Variants in CD6 observed in about 807,000 individuals in gnomAD.
CD6 encodes the protein CD6 molecule.
CD6 carries 53 observed loss-of-function variants against 75.3 expected under a neutral mutation model. That is an observed-to-expected ratio of 0.70 (90% CI 0.56 to 0.88). CD6 has a LOEUF of 0.88. Among genes scored for constraint, CD6 ranks in the 40% least tolerant of loss-of-function variants. CD6 has a pLI of 0.00. For synonymous variants in CD6, 359 were observed against 381.5 expected (o/e 0.94, Z 0.69); for missense variants, 770 against 897.1 (o/e 0.86, Z 1.81).
intron 1 of CD6, among the ~76,000 whole-genome samples, chr11:60,996,477 G>A (rs1159486530): frequency 1.3e-5 from 2 of 152,234 alleles, no homozygotes; most frequent in Admixed American, 1.3e-4. Flanking sequence ...GCAGGTGAGT[G>A]TTTCCGGACA....
chr11:60,979,837 T>C (rs556301060), intron 1 of CD6, among the ~76,000 whole-genome samples: 1 of 152,286 alleles, frequency 6.6e-6, no homozygotes, highest in African/African-American at 2.4e-5. Flanking sequence ...GGCACTGCCA[T>C]AGGACATGAA....
intron 1 of CD6, among the ~76,000 whole-genome samples, chr11:60,996,115 C>A (rs983169892): frequency 6.6e-6 from 1 of 152,164 alleles, no homozygotes; most frequent in South Asian, 2.1e-4. Flanking sequence ...ATTTTCTAGC[C>A]GTGTAATCTT....
In CD6 at chr11:61,019,716, C is replaced by CA. The variant is rs1188744570; in HGVS notation, c.*399dup. On this transcript the variant is annotated 3_prime_UTR_variant, in exon 13 of 13. Coordinates refer to ENST00000313421, the MANE Select transcript of CD6 (RefSeq NM_006725.5). ...TTGATTGCCTGAGTTTCTGACACTTCAGGGCCCAGAGGTCCTGCGAGGGGC... is the reference window on the plus strand; with the variant it reads ...TTGATTGCCTGAGTTTCTGACACTTCAAGGGCCCAGAGGTCCTGCGAGGGGC... The CA allele has an allele frequency of 5.4e-6, 1 of 185,934 alleles. No individual in the cohort carries two copies. The highest frequency in any genetic ancestry group is 2.3e-5 in the African/African-American group (1 of 42,866). The allele number at this position is 185,934 out of a possible 1,614,324, so 11.5% of individuals were successfully genotyped here.
intron 1 of CD6, among the ~76,000 whole-genome samples, chr11:60,994,000 A>G (rs1365156031): frequency 2.6e-5 from 4 of 152,136 alleles, no homozygotes; most frequent in Non-Finnish European, 4.4e-5. Context: ...TAAGTTTTTT[A>G]CAGAGGCGAG....
chr11:61,011,759 T>G (rs1234390606), intron 6 of CD6, among the ~76,000 whole-genome samples: 1 of 152,212 alleles, frequency 6.6e-6, no homozygotes, highest in Non-Finnish European at 1.5e-5. Flanking sequence ...GTAGCTTGGC[T>G]GGCATCAGAG....
At chr11:60,977,978 C>T (rs1394743980) in intron 1 of CD6, among the ~76,000 whole-genome samples, 1 of 152,132 alleles carries the variant, frequency 6.6e-6, no homozygotes, top group African/African-American at 2.4e-5. Context: ...TGCTGCTTTC[C>T]CTTTCCTCAA....
intron 8 of CD6, 42 bp from the exon 9 acceptor site, chr11:61,015,671 G>A (rs370849228): frequency 1.3e-4 from 210 of 1,610,920 alleles, no homozygotes; most frequent in Non-Finnish European, 1.7e-4. Flanking sequence ...ACACCTTTCC[G>A]CCCACCACTT....
intron 1 of CD6, among the ~76,000 whole-genome samples, chr11:61,000,790 G>A (rs912454262): frequency 2.6e-5 from 4 of 152,142 alleles, no homozygotes; most frequent in African/African-American, 7.2e-5. Flanking sequence ...AGGCTCTTTC[G>A]TGCCTTCATT....
intron 1 of CD6, among the ~76,000 whole-genome samples, chr11:60,976,467 G>A (rs191233862): frequency 1.6e-4 from 24 of 152,230 alleles, no homozygotes; most frequent in African/African-American, 5.5e-4. Flanking sequence ...TGCAACTCAC[G>A]GAGCTTGACC....
Position 61,015,709 on chromosome 11 carries a change from C to G in CD6, c.1388-4C>G. 1 of 1,614,210 alleles carries G rather than the reference C, an allele frequency of 6.2e-7. No homozygotes were observed. The highest frequency in any genetic ancestry group is 1.3e-5 in the African/African-American group (1 of 75,066). On this transcript the variant is annotated splice_polypyrimidine_tract_variant and splice_region_variant and intron_variant, in intron 8 of 12. Transcript: ENST00000313421. ...CCATGCCCTCGACTCTGTTCTCTCC[C>G]CAGTTTTCATGCTGCCCATCCAGGT...
At chr11:61,004,254 C>T (rs1464392810) in intron 1 of CD6, among the ~76,000 whole-genome samples, 1 of 152,114 alleles carries the variant, frequency 6.6e-6, no homozygotes, top group Non-Finnish European at 1.5e-5. Flanking sequence ...ACCTCACAGT[C>T]ATACACACTG....
At chr11:61,013,658 CGGCCCT>C in intron 7 of CD6, 95 bp downstream of exon 7, 2 of 1,374,024 alleles carry the variant, frequency 1.5e-6, no homozygotes, top group South Asian at 2.6e-5. Flanking sequence ...AATGACCACC[CGGCCCT>C]GGCCCTGGGG....
intron 1 of CD6, among the ~76,000 whole-genome samples, chr11:60,992,957 A>C (rs912238346): frequency 3.3e-5 from 5 of 152,230 alleles, no homozygotes; most frequent in Non-Finnish European, 5.9e-5. Flanking sequence ...GGCTGGTGAC[A>C]TGCCAGTGTT....
At chr11:61,005,645 G>A (rs1858812394) in intron 1 of CD6, among the ~76,000 whole-genome samples, 2 of 152,194 alleles carry the variant, frequency 1.3e-5, no homozygotes, top group South Asian at 4.1e-4. Flanking sequence ...AAAGTAAATG[G>A]AATAGGCTGG....
intron 8 of CD6, among the ~76,000 whole-genome samples, chr11:61,014,528 A>T (rs915848859): frequency 2.6e-4 from 39 of 152,316 alleles, no homozygotes; most frequent in African/African-American, 8.9e-4. Flanking sequence ...TGAGGTCAGG[A>T]GTTGGAGACC....
chr11:60,978,401 C>T (rs769479704), intron 1 of CD6, among the ~76,000 whole-genome samples: 11 of 152,114 alleles, frequency 7.2e-5, no homozygotes, highest in Non-Finnish European at 1.5e-4. Flanking sequence ...CCCTTGATTC[C>T]GCTCTGGGAA....
intron 1 of CD6, among the ~76,000 whole-genome samples, chr11:60,986,988 T>G (rs1857844044): frequency 6.6e-6 from 1 of 151,946 alleles, no homozygotes; most frequent in Admixed American, 6.6e-5. Context: ...ACTAGTTGGG[T>G]GAGGTGGCAC....
At chr11:61,018,514 AG>A in intron 12 of CD6, 121 bp downstream of exon 12, 9 of 780,736 alleles carry the variant, frequency 1.2e-5, no homozygotes, top group South Asian at 3.7e-5. Context: ...GTAAAAGAAG[AG>A]AGGGAAAGTA....
At chr11:61,008,981 T>G in intron 4 of CD6, 136 bp downstream of exon 4, 2 of 735,290 alleles carry the variant, frequency 2.7e-6, no homozygotes, top group Non-Finnish European at 4.2e-6. Flanking sequence ...GAGATGAGAC[T>G]GAGACAAACA....
Sources: allele counts gnomAD v4.1 joint callset (sites outside exome capture counted in the v4.1 genomes callset), GRCh38; gene constraint gnomAD v4.1.1; transcripts MANE v1.5; gene names NCBI Gene and HGNC (gene_info 2026-07-23, HGNC 2026-07-21).